PLD5: variants seen among roughly 807,000 people sequenced by gnomAD.
PLD5 encodes phospholipase D family member 5, also known as inactive phospholipase D5.
In PLD5, 36 loss-of-function variants were observed where a neutral mutation model predicts 61.1. The observed-to-expected ratio is 0.59, with a 90% CI of 0.45 to 0.78. The LOEUF (loss-of-function observed/expected upper bound fraction) is 0.78, where lower values mean the gene tolerates loss of function less well. Among genes scored for constraint, PLD5 ranks in the 30% least tolerant of loss-of-function variants. The pLI is 0.00. For missense variants in PLD5, 515 were observed against 644.4 expected (o/e 0.80, Z 2.17); for synonymous variants, 243 against 242.8 (o/e 1.00, Z -0.01).
At chr1:242,499,020 G>A (rs1668467552) in intron 1 of PLD5, among the ~76,000 whole-genome samples, 1 of 152,072 alleles carries the variant, frequency 6.6e-6, no homozygotes, top group African/African-American at 2.4e-5. Context: ...ATGTTTTGAT[G>A]TATGCTACCA....
Position 242,340,558 on chromosome 1 carries a change from GAAT to G in PLD5, c.326+7545_326+7547del, listed in dbSNP as rs544831641. On this transcript the variant is annotated intron_variant, in intron 2 of 9. Coordinates refer to ENST00000536534, the MANE Select transcript of PLD5 (RefSeq NM_001372062.1). ...ATAAACTTCTGCCCCTTAATAAGAAGAATAATAGTGGATATTTATTGAAAATTT... is the reference window on the plus strand; with the variant it reads ...ATAAACTTCTGCCCCTTAATAAGAAGAATAGTGGATATTTATTGAAAATTT... Among the ~76,000 whole-genome samples, 24 of 148,978 alleles carry G rather than the reference GAAT, an allele frequency of 1.6e-4. No homozygotes were observed. The East Asian group carries it at 4.5e-3, about 28-fold the overall frequency.
intron 5 of PLD5, among the ~76,000 whole-genome samples, chr1:242,158,478 G>A (rs937503230): frequency 2.6e-5 from 4 of 152,136 alleles, no homozygotes; most frequent in Non-Finnish European, 4.4e-5. Flanking sequence ...TGCGGGTTGC[G>A]AAGACCATGC....
chr1:242,123,015 C>A (rs528574458), intron 6 of PLD5, among the ~76,000 whole-genome samples: 1 of 152,280 alleles, frequency 6.6e-6, no homozygotes, highest in South Asian at 2.1e-4. Flanking sequence ...CAGAAGCTTG[C>A]TTCAAATAAA....
At chr1:242,093,997 C>T (rs868020953) in intron 9 of PLD5, among the ~76,000 whole-genome samples, 12 of 151,924 alleles carry the variant, frequency 7.9e-5, no homozygotes, top group African/African-American at 2.4e-4. Context: ...TTCCACAGGC[C>T]GATAAAGGAA....
intron 1 of PLD5, among the ~76,000 whole-genome samples, chr1:242,407,443 TCTGA>T (rs1664293799): frequency 6.6e-6 from 1 of 152,148 alleles, no homozygotes; most frequent in East Asian, 1.9e-4. Context: ...CTCCTATCCC[TCTGA>T]CTATGCTCCA....
chr1:242,216,505 C>A (rs1016058310), intron 5 of PLD5, among the ~76,000 whole-genome samples: 2 of 152,222 alleles, frequency 1.3e-5, no homozygotes, highest in Non-Finnish European at 2.9e-5. Context: ...CTAAGACCAA[C>A]CTTTGATCAA....
intron 5 of PLD5, among the ~76,000 whole-genome samples, chr1:242,175,914 C>T (rs545867314): frequency 2.8e-4 from 43 of 152,214 alleles, no homozygotes; most frequent in Admixed American, 2.4e-3. Flanking sequence ...AACTACAAAC[C>T]ACTGCTCAAG....
chr1:242,341,534 T>A (rs905355488), intron 2 of PLD5, among the ~76,000 whole-genome samples: 9 of 45,710 alleles, frequency 2.0e-4, no homozygotes, highest in Non-Finnish European at 4.5e-4. Flanking sequence ...ACTTGAAAAT[T>A]TAGAAAGGAT....
chr1:242,195,197 C>T (rs1028605997), intron 5 of PLD5, among the ~76,000 whole-genome samples: 1 of 152,180 alleles, frequency 6.6e-6, no homozygotes, highest in Non-Finnish European at 1.5e-5. Context: ...AGCGAGCCGC[C>T]GTCACCTAAA....
chr1:242,186,040 T>C lies in PLD5; in HGVS notation c.735+33948A>G, dbSNP rs182358689. On this transcript the variant is annotated intron_variant, in intron 5 of 9. Coordinates refer to ENST00000536534, the MANE Select transcript of PLD5 (RefSeq NM_001372062.1). ...GAGGAAAAGTGATACCATCAATTTC[T>C]TGGCAATTATCCCATGACGGATCAT... 9.3e-3 allele frequency among the ~76,000 whole-genome samples: 1,413 copies of C among 152,282 alleles called. 15 individuals carry two copies. Among genetic ancestry groups the C allele is most frequent in the Non-Finnish European group, 0.014 (942 of 68,014 alleles).
At chr1:242,310,034 T>C (rs1676607337) in intron 2 of PLD5, among the ~76,000 whole-genome samples, 1 of 131,696 alleles carries the variant, frequency 7.6e-6, no homozygotes, top group Non-Finnish European at 1.7e-5. Context: ...CTTACTTGGT[T>C]GCAGGATCAA....
At chr1:242,293,072 C>T (rs1457458942) in intron 2 of PLD5, among the ~76,000 whole-genome samples, 1 of 152,026 alleles carries the variant, frequency 6.6e-6, no homozygotes, top group Non-Finnish European at 1.5e-5. Flanking sequence ...CAAACACATT[C>T]TTATAAGATT....
intron 2 of PLD5, among the ~76,000 whole-genome samples, chr1:242,335,215 C>T (rs1659432378): frequency 6.6e-6 from 1 of 151,788 alleles, no homozygotes; most frequent in South Asian, 2.1e-4. Context: ...TCAGCTTGAC[C>T]CCTTACTAGG....
At chr1:242,321,493 C>T (rs182303526) in intron 2 of PLD5, among the ~76,000 whole-genome samples, 30 of 152,240 alleles carry the variant, frequency 2.0e-4, no homozygotes, top group East Asian at 1.4e-3. Context: ...TTAGTAGAGA[C>T]GGTGTTTCAC....
chr1:242,396,659 C>CT (rs1558529875), intron 1 of PLD5, among the ~76,000 whole-genome samples: 2 of 120,414 alleles, frequency 1.7e-5, no homozygotes. Flanking sequence ...TATTTTCTTT[C>CT]TTTCTTTTCT....
At chr1:242,293,085 AT>A (rs1385798985) in intron 2 of PLD5, among the ~76,000 whole-genome samples, 1 of 152,148 alleles carries the variant, frequency 6.6e-6, no homozygotes, top group Middle Eastern at 3.2e-3. Flanking sequence ...ATAAGATTTT[AT>A]TTTCCTTAGT....
chr1:242,126,997 T>C (rs193177584), intron 5 of PLD5, among the ~76,000 whole-genome samples: 22 of 152,144 alleles, frequency 1.4e-4, no homozygotes, highest in Admixed American at 5.2e-4. Flanking sequence ...GCTAAGGACA[T>C]GGGTAGACAA....
chr1:242,428,799 G>T (rs1026301221), intron 1 of PLD5, among the ~76,000 whole-genome samples: 5 of 152,094 alleles, frequency 3.3e-5, no homozygotes, highest in African/African-American at 1.2e-4. Flanking sequence ...GGAGATAAAG[G>T]AACAAGAAGG....
chr1:242,347,986 T>C, intron 2 of PLD5, 120 bp downstream of exon 2: 3 of 1,279,160 alleles, frequency 2.3e-6, no homozygotes, highest in Non-Finnish European at 3.3e-6. Flanking sequence ...CACCTCAGCT[T>C]AAGCTAAGGG....
Sources: allele counts gnomAD v4.1 joint callset (sites outside exome capture counted in the v4.1 genomes callset), GRCh38; gene constraint gnomAD v4.1.1; transcripts MANE v1.5; gene names NCBI Gene and HGNC (gene_info 2026-07-23, HGNC 2026-07-21).